Variants in RHOT1 observed in about 807,000 individuals in gnomAD.
The protein encoded by RHOT1 is mitochondrial Rho GTPase 1.
A neutral mutation model predicts 95.3 loss-of-function variants in RHOT1; 27 were observed. That is an observed-to-expected ratio of 0.28 (90% confidence interval 0.21 to 0.39). RHOT1 has a LOEUF of 0.39. Among genes scored for constraint, RHOT1 ranks in the 10% least tolerant of loss-of-function variants. The probability of loss-of-function intolerance (pLI) is 1.00; values close to 1 mark genes in which losing one functional copy is unlikely to be tolerated. For synonymous variants in RHOT1, 227 were observed against 263.5 expected, an observed-to-expected ratio of 0.86 and a Z score of 1.34; for missense variants, 578 against 786.7, an observed-to-expected ratio of 0.73 and a Z score of 3.17.
intron 1 of RHOT1, among the ~76,000 whole-genome samples, chr17:32,164,638 GAT>G (rs1293286736): frequency 6.6e-6 from 1 of 152,076 alleles, no homozygotes; most frequent in African/African-American, 2.4e-5. Flanking sequence ...GGCTGAGGCA[GAT>G]GGATGTCGAG....
At chr17:32,185,922 ATGT>A (rs1253943685) in intron 8 of RHOT1, among the ~76,000 whole-genome samples, 3 of 151,508 alleles carry the variant, frequency 2.0e-5, no homozygotes, top group African/African-American at 7.3e-5. Flanking sequence ...GGATCTCACT[ATGT>A]TGCCCAGGCT....
At chr17:32,144,639 A>C (rs558740400) in intron 1 of RHOT1, among the ~76,000 whole-genome samples, 29 of 151,738 alleles carry the variant, frequency 1.9e-4, no homozygotes, top group Non-Finnish European at 3.1e-4. Flanking sequence ...CTTGAGGCCA[A>C]GGAGTTTGAG....
At chr17:32,211,505 A>G in intron 19 of RHOT1, 1 of 256,432 alleles carries the variant, frequency 3.9e-6, no homozygotes, top group Non-Finnish European at 7.4e-6. Flanking sequence ...TTTCCTATTA[A>G]AAGATAATAT....
At chr17:32,176,608 T>C (rs997210095) in intron 6 of RHOT1, among the ~76,000 whole-genome samples, 1 of 151,776 alleles carries the variant, frequency 6.6e-6, no homozygotes, top group African/African-American at 2.4e-5. Flanking sequence ...AGTCTTGCTC[T>C]GTCGCCCAGG....
intron 1 of RHOT1, among the ~76,000 whole-genome samples, chr17:32,169,646 C>G (rs988410085): frequency 4.6e-5 from 7 of 152,182 alleles, no homozygotes; most frequent in Non-Finnish European, 8.8e-5. Context: ...ATCTTGTGCA[C>G]TAACTTGAGT....
intron 1 of RHOT1, among the ~76,000 whole-genome samples, chr17:32,165,492 C>A (rs1191484528): frequency 1.3e-5 from 2 of 151,296 alleles, no homozygotes; most frequent in Non-Finnish European, 2.9e-5. Flanking sequence ...CACTGCACTC[C>A]AGCCTGAGTG....
intron 19 of RHOT1, among the ~76,000 whole-genome samples, chr17:32,218,506 G>GAAA (rs371495186): frequency 1.9e-5 from 2 of 104,512 alleles, no homozygotes; most frequent in East Asian, 3.0e-4. Flanking sequence ...GATCCTGTCT[G>GAAA]AAAAAAAAAA....
At chr17:32,200,323 G>A (rs535906740) in intron 13 of RHOT1, among the ~76,000 whole-genome samples, 11 of 151,830 alleles carry the variant, frequency 7.2e-5, no homozygotes, top group South Asian at 2.1e-4. Context: ...AAGGTAGATC[G>A]CATAAAATAT....
chr17:32,222,208 A>G (rs1195123219), intron 19 of RHOT1, among the ~76,000 whole-genome samples: 2 of 152,204 alleles, frequency 1.3e-5, no homozygotes, highest in Non-Finnish European at 2.9e-5. Context: ...TTTAAATTCT[A>G]TGCATCTGCA....
intron 2 of RHOT1, among the ~76,000 whole-genome samples, chr17:32,172,095 C>T (rs59448729): frequency 0.038 from 5,766 of 152,256 alleles, 364 homozygotes; most frequent in African/African-American, 0.13. Flanking sequence ...TCACAGTTTA[C>T]ATTTATCCTT....
At chr17:32,204,580 CAT>C (rs2037565513) in intron 16 of RHOT1, among the ~76,000 whole-genome samples, 2 of 148,096 alleles carry the variant, frequency 1.4e-5, no homozygotes, top group African/African-American at 2.5e-5. Flanking sequence ...GTATTTTTAT[CAT>C]GTGATGATTA....
chr17:32,149,635 A>ATATATGTGTGTGTGTGTG (rs1445281403), intron 1 of RHOT1, among the ~76,000 whole-genome samples: 17 of 59,086 alleles, frequency 2.9e-4, no homozygotes, highest in Non-Finnish European at 5.5e-4. Flanking sequence ...ATATATATAT[A>ATATATGTGTGTGTGTGTG]TGTGTGTGTG....
intron 19 of RHOT1, among the ~76,000 whole-genome samples, chr17:32,217,476 G>A (rs992120609): frequency 6.6e-6 from 1 of 152,158 alleles, no homozygotes; most frequent in African/African-American, 2.4e-5. Context: ...AGAAAATACA[G>A]CCAGGCGCCT....
At chr17:32,168,366 C>T (rs1277452261) in intron 1 of RHOT1, among the ~76,000 whole-genome samples, 1 of 152,032 alleles carries the variant, frequency 6.6e-6, no homozygotes, top group Admixed American at 6.6e-5. Flanking sequence ...AACTCCTGGG[C>T]TCAAGCAGTC....
chr17:32,163,273 A>G (rs1230217705), intron 1 of RHOT1, among the ~76,000 whole-genome samples: 1 of 152,234 alleles, frequency 6.6e-6, no homozygotes, highest in Non-Finnish European at 1.5e-5. Context: ...AGATTTTTCA[A>G]TAAAAGTACC....
chr17:32,212,930 A>AC (rs1316069025), intron 19 of RHOT1, among the ~76,000 whole-genome samples: 1 of 152,120 alleles, frequency 6.6e-6, no homozygotes, highest in African/African-American at 2.4e-5. Context: ...TTAGGTTTTC[A>AC]CAGTACCTCT....
chr17:32,145,140 C>T (rs562786458), intron 1 of RHOT1, among the ~76,000 whole-genome samples: 1 of 151,950 alleles, frequency 6.6e-6, no homozygotes, highest in African/African-American at 2.4e-5. Flanking sequence ...TCTCTACTAA[C>T]AATACAATAA....
intron 1 of RHOT1, among the ~76,000 whole-genome samples, chr17:32,170,746 G>T (rs983227453): frequency 6.6e-6 from 1 of 152,154 alleles, no homozygotes; most frequent in Non-Finnish European, 1.5e-5. Flanking sequence ...TTCCATTGTG[G>T]TAAAATATTG....
chr17:32,149,072 T>C (rs183876225), intron 1 of RHOT1, among the ~76,000 whole-genome samples: 1 of 152,292 alleles, frequency 6.6e-6, no homozygotes, highest in East Asian at 1.9e-4. Flanking sequence ...TGCTTTTAGT[T>C]TTTATAGATT....
Sources: allele counts gnomAD v4.1 joint callset (sites outside exome capture counted in the v4.1 genomes callset), GRCh38; gene constraint gnomAD v4.1.1; transcripts MANE v1.5; gene names NCBI Gene and HGNC (gene_info 2026-07-23, HGNC 2026-07-21).